Variants in TRMT11 observed in about 807,000 individuals in gnomAD.
The protein encoded by TRMT11 is tRNA methyltransferase 11.
TRMT11 carries 53 observed loss-of-function variants against 62.8 expected under a neutral mutation model. That is an observed-to-expected ratio of 0.84 (90% CI 0.68 to 1.06). The LOEUF (loss-of-function observed/expected upper bound fraction) is 1.06. TRMT11 is among the 50% of genes least tolerant of loss of function. TRMT11 has a pLI of 0.00. For synonymous variants in TRMT11, 188 were observed against 190.3 expected (o/e 0.99, Z 0.10); for missense variants, 556 against 553.4 (o/e 1.00, Z -0.05).
intron 17 of TRMT11, among the ~76,000 whole-genome samples, chr6:126,098,863 AT>A (rs992985800): frequency 2.6e-5 from 4 of 151,980 alleles, no homozygotes; most frequent in South Asian, 4.2e-4. Context: ...CACAAAGGGG[AT>A]TTTTTTTAAA....
At chr6:126,257,889 C>T in the TRMT11 span, 2 of 1,419,628 alleles carry the variant, frequency 1.4e-6, no homozygotes, top group Non-Finnish European at 2.0e-6. Flanking sequence ...CAGTGATTGT[C>T]CTGAGCCACC....
At chr6:126,177,694 A>G (rs901990780) in intron 1 of TRMT11, among the ~76,000 whole-genome samples, 1 of 152,148 alleles carries the variant, frequency 6.6e-6, no homozygotes, top group Non-Finnish European at 1.5e-5. Context: ...TATTATGACT[A>G]CATAAATACT....
intron 17 of TRMT11, among the ~76,000 whole-genome samples, chr6:126,062,278 T>C (rs377225783): frequency 2.0e-5 from 3 of 152,222 alleles, no homozygotes; most frequent in African/African-American, 7.2e-5. Flanking sequence ...AATCGAAATA[T>C]AGTTCATGTT....
chr6:126,133,092 C>T (rs1320744057), intron 21 of TRMT11, among the ~76,000 whole-genome samples: 1 of 151,916 alleles, frequency 6.6e-6, no homozygotes, highest in Non-Finnish European at 1.5e-5. Flanking sequence ...TTGTGTTTTG[C>T]TGGAAACAGA....
the TRMT11 span, among the ~76,000 whole-genome samples, chr6:126,230,062 A>C: frequency 6.6e-6 from 1 of 152,160 alleles, no homozygotes; most frequent in Non-Finnish European, 1.5e-5. Flanking sequence ...CATTAGCTTC[A>C]ATATGGATGG....
intron 2 of TRMT11, 37 bp downstream of exon 2, chr6:125,993,859 TTAGAAA>T (rs766171763): frequency 2.0e-5 from 26 of 1,269,122 alleles, no homozygotes; most frequent in Middle Eastern, 1.9e-4. Context: ...TGGAGTATAC[TTAGAAA>T]TAGAGCCTTG....
chr6:125,988,013 C>T (rs1372918481), intron 1 of TRMT11, among the ~76,000 whole-genome samples: 1 of 151,966 alleles, frequency 6.6e-6, no homozygotes, highest in Non-Finnish European at 1.5e-5. Context: ...GAGTAGCGGG[C>T]CAAGTATAGA....
At chr6:126,063,477 A>AT (rs1466475086) in intron 17 of TRMT11, among the ~76,000 whole-genome samples, 1 of 152,224 alleles carries the variant, frequency 6.6e-6, no homozygotes, top group African/African-American at 2.4e-5. Flanking sequence ...GTTCTGTTTG[A>AT]TTTTGTGAAG....
intron 21 of TRMT11, among the ~76,000 whole-genome samples, chr6:126,124,554 A>C (rs1441924363): frequency 6.6e-6 from 1 of 152,106 alleles, no homozygotes; most frequent in Non-Finnish European, 1.5e-5. Context: ...AAAATATGAC[A>C]GGATTGACAC....
intron 21 of TRMT11, among the ~76,000 whole-genome samples, chr6:126,127,834 A>G (rs140789626): frequency 3.4e-4 from 52 of 152,160 alleles, no homozygotes; most frequent in African/African-American, 1.1e-3. Context: ...GCAACTAAGC[A>G]TAAAGTGGAT....
downstream of TRMT11, among the ~76,000 whole-genome samples, chr6:126,207,918 G>T (rs1468675641): frequency 6.6e-6 from 1 of 152,144 alleles, no homozygotes; most frequent in Admixed American, 6.5e-5. Context: ...AAATAAATCT[G>T]CCTGGCTCAA....
chr6:126,165,547 GT>G (rs1778248027), intron 21 of TRMT11, among the ~76,000 whole-genome samples: 1 of 152,144 alleles, frequency 6.6e-6, no homozygotes, highest in Admixed American at 6.5e-5. Flanking sequence ...ATGAAGCTTA[GT>G]TTGGGTGGAT....
the TRMT11 span, among the ~76,000 whole-genome samples, chr6:126,233,767 C>T: frequency 6.6e-6 from 1 of 152,008 alleles, no homozygotes; most frequent in Non-Finnish European, 1.5e-5. Flanking sequence ...AATGATGAAT[C>T]CAGCCTGGAT....
chr6:126,250,232 G>A, the TRMT11 span, among the ~76,000 whole-genome samples: 1 of 152,118 alleles, frequency 6.6e-6, no homozygotes, highest in South Asian at 2.1e-4. Flanking sequence ...GTAATTTGGA[G>A]GAGACCTAAT....
intron 11 of TRMT11, among the ~76,000 whole-genome samples, chr6:126,014,643 C>G (rs1794720415): frequency 6.6e-6 from 1 of 152,184 alleles, no homozygotes; most frequent in Non-Finnish European, 1.5e-5. Flanking sequence ...TCAGCTATTT[C>G]TTGTTGTTTG....
At chr6:126,181,019 A>G (rs1210253735) in intron 1 of TRMT11, among the ~76,000 whole-genome samples, 1 of 152,232 alleles carries the variant, frequency 6.6e-6, no homozygotes, top group African/African-American at 2.4e-5. Context: ...CTCAAGATTT[A>G]AACTGCTCAT....
chr6:126,023,901 C>T (rs1046720669), intron 12 of TRMT11, among the ~76,000 whole-genome samples: 15 of 151,734 alleles, frequency 9.9e-5, no homozygotes, highest in Non-Finnish European at 2.1e-4. Flanking sequence ...TATTTGTGTA[C>T]GAATACAGTT....
the TRMT11 span, among the ~76,000 whole-genome samples, chr6:126,269,096 T>A: frequency 1.6e-4 from 24 of 150,668 alleles, no homozygotes; most frequent in African/African-American, 4.6e-4. Context: ...ACCCCGTCTC[T>A]ACTAAAAATA....
chr6:126,099,063 T>C (rs796122652), intron 17 of TRMT11, among the ~76,000 whole-genome samples: 13 of 152,348 alleles, frequency 8.5e-5, no homozygotes, highest in African/African-American at 3.1e-4. Context: ...CCTCCCACTT[T>C]TGGAAGTTAC....
Sources: gnomAD v4.1 joint callset for allele counts (sites outside exome capture counted in the v4.1 genomes callset) on GRCh38, gnomAD v4.1.1 for gene constraint, MANE v1.5 for transcripts, NCBI Gene and HGNC (gene_info 2026-07-23, HGNC 2026-07-21) for gene names.